CNOT6: variants seen among roughly 807,000 people sequenced by gnomAD.
CNOT6 encodes the protein carbon catabolite repression 4 protein.
CNOT6 carries 12 observed loss-of-function variants against 61.2 expected under a neutral mutation model. That is an observed-to-expected ratio of 0.20 (90% CI 0.13 to 0.32). The LOEUF (loss-of-function observed/expected upper bound fraction) is 0.32. Ranked by LOEUF, CNOT6 falls within the 10% of genes least tolerant of loss-of-function variation. The pLI, the probability that CNOT6 is intolerant of heterozygous loss-of-function variation, is 1.00. For missense variants in CNOT6, 405 were observed against 663.9 expected, an observed-to-expected ratio of 0.61 and a Z score of 4.28; for synonymous variants, 225 against 240.6, an observed-to-expected ratio of 0.94 and a Z score of 0.60.
At chr5:180,513,409 C>T (rs543391503) in intron 1 of CNOT6, among the ~76,000 whole-genome samples, 7 of 152,062 alleles carry the variant, frequency 4.6e-5, no homozygotes, top group East Asian at 1.9e-4. Flanking sequence ...CTTGCTCTGT[C>T]GCCCAGCCTG....
chr5:180,503,262 CTTTTTTT>C (rs66503357), intron 1 of CNOT6, among the ~76,000 whole-genome samples: 28 of 133,848 alleles, frequency 2.1e-4, no homozygotes, highest in African/African-American at 4.7e-4. Context: ...TTGTATTTTT[CTTTTTTT>C]TTTTTTTTTT....
chr5:180,569,153 G>T lies in CNOT6; in HGVS notation c.1071G>T (p.Val357=). The change falls in exon 10 of 12, where the codon GTG becomes GTT. Residue 357 remains valine (V), a synonymous_variant. Coordinates refer to ENST00000261951, the MANE Select transcript of CNOT6 (RefSeq NM_001370472.1). The part of the protein sequence containing the change: ...HLGTEKQLIL[V]ANAHMHWDPE... The stretch of plus-strand genomic sequence containing the variant: ...GAACAGAAAAACAACTTATTCTTGT[G>T]GCTAACGCCCACATGCATTGGGACC... 6.2e-7 allele frequency: 1 copy of T among 1,614,048 alleles called. No homozygotes were observed. The highest frequency in any genetic ancestry group is 8.5e-7 in the Non-Finnish European group (1 of 1,180,000).
chr5:180,542,897 A>C (rs1426199533), intron 2 of CNOT6, among the ~76,000 whole-genome samples: 2 of 152,212 alleles, frequency 1.3e-5, no homozygotes, highest in African/African-American at 4.8e-5. Flanking sequence ...GAGATTATCA[A>C]AAGGTGACTT....
chr5:180,510,289 C>T (rs773567000), intron 1 of CNOT6, among the ~76,000 whole-genome samples: 4 of 151,602 alleles, frequency 2.6e-5, no homozygotes, highest in East Asian at 1.9e-4. Flanking sequence ...CTCAGCCTTC[C>T]GAGTAGCCAG....
chr5:180,497,079 G>A (rs1756644283), intron 1 of CNOT6, among the ~76,000 whole-genome samples: 2 of 152,170 alleles, frequency 1.3e-5, no homozygotes, highest in Admixed American at 1.3e-4. Context: ...TGTAATCCCA[G>A]CACTTTCGGA....
intron 10 of CNOT6, among the ~76,000 whole-genome samples, chr5:180,569,935 T>C (rs1267163782): frequency 6.6e-6 from 1 of 152,220 alleles, no homozygotes; most frequent in African/African-American, 2.4e-5. Context: ...AACTGTTTCT[T>C]TCTTTTTGTG....
chr5:180,557,903 C>G (rs1029674198), intron 4 of CNOT6, among the ~76,000 whole-genome samples: 2 of 147,344 alleles, frequency 1.4e-5, no homozygotes, highest in African/African-American at 4.9e-5. Flanking sequence ...GCTCAAGGTT[C>G]TTTTTGTGTG....
At chr5:180,541,579 G>A (rs900709718) in intron 2 of CNOT6, among the ~76,000 whole-genome samples, 17 of 150,294 alleles carry the variant, frequency 1.1e-4, no homozygotes, top group African/African-American at 4.2e-4. Context: ...AGCCTCCCGA[G>A]TAGCTGGGAC....
chr5:180,560,815 GCCCTGTCCT>G (rs1448392171), intron 4 of CNOT6, among the ~76,000 whole-genome samples: 11 of 152,196 alleles, frequency 7.2e-5, no homozygotes, highest in Admixed American at 6.5e-5. Flanking sequence ...TACTTTTTCA[GCCCTGTCCT>G]CCGTGTCCTC....
chr5:180,532,117 G>C (rs1240465177), intron 2 of CNOT6, among the ~76,000 whole-genome samples: 3 of 152,214 alleles, frequency 2.0e-5, no homozygotes, highest in Non-Finnish European at 4.4e-5. Context: ...TTGGCTTTCT[G>C]TGCCAGGGGA....
rs746388159 is a variant in CNOT6 at position 180,564,568 on chromosome 5, T to C, written c.465T>C (p.Asp155=). The change falls in exon 5 of 12, where the codon GAT becomes GAC. Residue 155 remains aspartate, a synonymous_variant. Transcript: ENST00000261951. ...GACGGCTGCTGAACTATTTGCTTGATAATTTGTCAGGTACTGCAAAAAGAA... is the reference window on the plus strand; with the variant it reads ...GACGGCTGCTGAACTATTTGCTTGACAATTTGTCAGGTACTGCAAAAAGAA... ...GTRRLLNYLL[D]NLSGTAKRIT... The C allele has an allele frequency of 2.5e-6, 4 of 1,613,914 alleles. No individual in the cohort carries two copies. In the Admixed American group the frequency reaches 5.0e-5, roughly 20 times the overall value.
At chr5:180,548,673 G>GT (rs1428433529) in intron 2 of CNOT6, among the ~76,000 whole-genome samples, 1 of 152,148 alleles carries the variant, frequency 6.6e-6, no homozygotes, top group African/African-American at 2.4e-5. Context: ...TCCTGCATTG[G>GT]TTGGTGTCTC....
rs1760948747 is a variant in CNOT6 at position 180,575,145 on chromosome 5, C to G, written c.*945C>G. ...CCTGTCCTATCTCCACTGTGCCTGC[C>G]TAAATTTGTTCTCACCAAGCACTGC... On this transcript the variant is annotated 3_prime_UTR_variant, in exon 12 of 12. Coordinates refer to ENST00000261951, the MANE Select transcript of CNOT6 (RefSeq NM_001370472.1). 1 of 152,646 alleles carries G rather than the reference C, an allele frequency of 6.6e-6. No homozygotes were observed. Among genetic ancestry groups the G allele is most frequent in the Admixed American group, 6.5e-5 (1 of 15,272 alleles). 9.5% of individuals were successfully genotyped at this position (152,646 alleles called of 1,614,324 possible). A position where few individuals can be genotyped will look rare whatever the true frequency, so the allele number is the denominator to read the frequency against.
Position 180,494,437 on chromosome 5 carries a change from C to G in CNOT6, c.-329C>G, listed in dbSNP as rs1026884254. On this transcript the variant is annotated 5_prime_UTR_variant, in exon 1 of 12. Transcript: ENST00000261951. ...GCTTTCAATGAAAACGAGGGGGGCG[C>G]GGAGGAGGAGGCGGCGGCGTCGGTG... 1 of 154,402 alleles carries G rather than the reference C, an allele frequency of 6.5e-6. No homozygotes were observed. The highest frequency in any genetic ancestry group is 2.4e-5 in the African/African-American group (1 of 41,332). 9.6% of individuals were successfully genotyped at this position (154,402 alleles called of 1,614,324 possible). A position where few individuals can be genotyped will look rare whatever the true frequency, so the allele number is the denominator to read the frequency against.
At chr5:180,551,898 T>C (rs1759620838) in intron 3 of CNOT6, among the ~76,000 whole-genome samples, 1 of 151,798 alleles carries the variant, frequency 6.6e-6, no homozygotes, top group Non-Finnish European at 1.5e-5. Context: ...AGACGGAATT[T>C]TACTCTTGTC....
At chr5:180,526,796 A>G (rs1561641441) in intron 1 of CNOT6, among the ~76,000 whole-genome samples, 1 of 152,276 alleles carries the variant, frequency 6.6e-6, no homozygotes, top group South Asian at 2.1e-4. Flanking sequence ...GGGAATATGC[A>G]TGGGAGTGAT....
At chr5:180,512,969 C>G (rs1021112434) in intron 1 of CNOT6, among the ~76,000 whole-genome samples, 1 of 151,594 alleles carries the variant, frequency 6.6e-6, no homozygotes, top group African/African-American at 2.4e-5. Context: ...GATCTCGGCT[C>G]ACTGCAAGCT....
At chr5:180,529,154 T>C in intron 1 of CNOT6, 121 bp from the exon 2 acceptor site, 1 of 647,752 alleles carries the variant, frequency 1.5e-6, no homozygotes, top group Non-Finnish European at 2.8e-6. Flanking sequence ...GCCAAAATCG[T>C]GCCACTGCAC....
At chr5:180,550,222 C>T (rs541486742) in intron 3 of CNOT6, 105 bp downstream of exon 3, 28 of 804,812 alleles carry the variant, frequency 3.5e-5, no homozygotes, top group Middle Eastern at 4.9e-4. Flanking sequence ...TGGGAGGCTG[C>T]GAGAGGATCA....
Sources: allele counts gnomAD v4.1 joint callset (sites outside exome capture counted in the v4.1 genomes callset), GRCh38; gene constraint gnomAD v4.1.1; transcripts MANE v1.5; gene names NCBI Gene and HGNC (gene_info 2026-07-23, HGNC 2026-07-21).